CKAP5: variants seen among roughly 807,000 people sequenced by gnomAD.
CKAP5 encodes cytoskeleton associated protein 5, also known as cytoskeleton-associated protein 5.
In CKAP5, 27 loss-of-function variants were observed where a neutral mutation model predicts 232.8. The ratio of observed to expected loss-of-function variants is 0.12; its 90% confidence interval spans 0.09 to 0.16. CKAP5 has a LOEUF of 0.16. Among genes scored for constraint, CKAP5 ranks in the 10% least tolerant of loss-of-function variants. CKAP5 has a pLI of 1.00. For missense variants in CKAP5, 1,838 were observed against 2,424.7 expected (o/e 0.76, Z 5.08); for synonymous variants, 785 against 841.1 (o/e 0.93, Z 1.16).
intron 16 of CKAP5, among the ~76,000 whole-genome samples, chr11:46,788,295 C>G (rs1412198952): frequency 6.6e-6 from 1 of 152,272 alleles, no homozygotes; most frequent in African/African-American, 2.4e-5. Context: ...CATTACCAAG[C>G]TGGGCGCGGT....
intron 1 of CKAP5, among the ~76,000 whole-genome samples, chr11:46,822,669 T>A (rs1361098832): frequency 7.2e-6 from 1 of 139,678 alleles, no homozygotes; most frequent in Non-Finnish European, 1.5e-5. Flanking sequence ...GAGAATGGCG[T>A]GAACCCGAGA....
intron 8 of CKAP5, 145 bp downstream of exon 8, chr11:46,807,886 C>T: frequency 1.9e-6 from 1 of 537,078 alleles, no homozygotes; most frequent in Admixed American, 3.3e-5. Flanking sequence ...TTAAAACAAC[C>T]CTTTAAAAAT....
At chr11:46,790,217 G>T in intron 14 of CKAP5, 31 bp from the exon 15 acceptor site, 2 of 1,462,244 alleles carry the variant, frequency 1.4e-6, no homozygotes, top group Non-Finnish European at 1.9e-6. Context: ...TTAGAATTAG[G>T]AATTGCTTAA....
At chr11:46,816,086 C>T (rs1939392621) in intron 4 of CKAP5, 112 bp downstream of exon 4, 2 of 816,924 alleles carry the variant, frequency 2.4e-6, no homozygotes, top group Admixed American at 2.2e-5. Context: ...CCCCCCCATC[C>T]CCCCAACACA....
rs2065329193 is a variant in CKAP5 at position 46,780,277 on chromosome 11, G to A, written c.2350C>T (p.Leu784=). The change falls in exon 20 of 44, where the codon CTG becomes TTG. Residue 784 remains leucine, a synonymous_variant. Transcript: ENST00000529230. ...ATTCGCAAAGAGGGACCAACATACA[G>A]ATACATCACGCCAAGCAGGGTTATG... is the stretch of plus-strand genomic sequence containing the variant. ...AAITLLGVMY[L]YVGPSLRMFF... is the part of the protein sequence containing the mutation. 2 of 1,614,042 alleles carry A rather than the reference G, an allele frequency of 1.2e-6. No homozygotes were observed. Among genetic ancestry groups the A allele is most frequent in the Non-Finnish European group, 1.7e-6 (2 of 1,179,974 alleles).
chr11:46,782,114 C>A (rs373036967), intron 18 of CKAP5, among the ~76,000 whole-genome samples: 1 of 152,108 alleles, frequency 6.6e-6, no homozygotes, highest in African/African-American at 2.4e-5. Flanking sequence ...CATGAGCCAC[C>A]GCGCCCGGCC....
At chr11:46,826,512 G>T (rs1462423269) in intron 1 of CKAP5, among the ~76,000 whole-genome samples, 1 of 152,170 alleles carries the variant, frequency 6.6e-6, no homozygotes, top group Middle Eastern at 3.2e-3. Context: ...CCCCAAGTAA[G>T]AACCAGGTGG....
chr11:46,763,608 G>A lies in CKAP5; in HGVS notation c.3560C>T (p.Thr1187Ile). 1 of 1,563,348 alleles carries A rather than the reference G, an allele frequency of 6.4e-7. No individual in the cohort carries two copies. Among genetic ancestry groups the A allele is most frequent in the Non-Finnish European group, 8.7e-7 (1 of 1,156,010 alleles). The change falls in exon 29 of 44, where the codon ACC becomes ATC. Residue 1187 changes from threonine (T) to isoleucine (I), a missense_variant. Physicochemically the swap from Thr to Ile is moderately conservative, Grantham distance 89. Coordinates refer to ENST00000529230, the MANE Select transcript of CKAP5 (RefSeq NM_001008938.4). ...TTGCTCAATGTATTCATCCCGTGGGGTAGTAAAATTCCACTTTAGCACCTG... is the reference window on the plus strand; with the variant it reads ...TTGCTCAATGTATTCATCCCGTGGGATAGTAAAATTCCACTTTAGCACCTG... ...GLKVLKWNFT[T>I]PRDEYIEQLK...
chr11:46,752,183 T>TACACAC (rs1356619559), intron 38 of CKAP5, among the ~76,000 whole-genome samples: 3 of 65,660 alleles, frequency 4.6e-5, no homozygotes, highest in African/African-American at 1.4e-4. Context: ...TATATATATA[T>TACACAC]ATATATATAT....
At chr11:46,836,779 T>C (rs1324509391) in intron 1 of CKAP5, among the ~76,000 whole-genome samples, 4 of 152,174 alleles carry the variant, frequency 2.6e-5, no homozygotes, top group African/African-American at 9.6e-5. Context: ...TAGGTATTTA[T>C]CCAACTGAAT....
intron 26 of CKAP5, among the ~76,000 whole-genome samples, chr11:46,768,918 T>G (rs1332795625): frequency 6.6e-6 from 1 of 151,848 alleles, no homozygotes; most frequent in Non-Finnish European, 1.5e-5. Context: ...AAATTTTATT[T>G]ATTTTTATTT....
rs185788048 is a variant in CKAP5, at chr11:46,830,169, C to T, written c.-37-8901G>A. 2.8e-3 allele frequency among the ~76,000 whole-genome samples: 422 copies of T among 151,990 alleles called. 2 individuals are homozygous for T. The highest frequency in any genetic ancestry group is 9.6e-3 in the African/African-American group (399 of 41,450). On this transcript the variant is annotated intron_variant, in intron 1 of 43. Transcript: ENST00000529230. ...AGATTAGAATAGAGTAGGCCGGGCA[C>T]GGTGGCTCACGCCTGCAATCCCAGA...
chr11:46,802,557 G>GACACAC (rs1254439046), intron 8 of CKAP5, among the ~76,000 whole-genome samples: 2,167 of 147,500 alleles, frequency 0.015, 58 homozygotes, highest in African/African-American at 0.051. Flanking sequence ...CAGACAGACA[G>GACACAC]ACACACACAC....
At position 46,743,744 on chromosome 11, in the gene CKAP5, GAA is replaced by G; in HGVS notation, c.*277_*278del. 3 of 374,380 alleles carry G rather than the reference GAA, an allele frequency of 8.0e-6. No homozygotes were observed. Among genetic ancestry groups the G allele is most frequent in the Non-Finnish European group, 1.5e-5 (3 of 205,342 alleles). 23.2% of individuals were successfully genotyped at this position (374,380 alleles called of 1,614,324 possible). ...TACAAATGAGCAATTAAAAAGAAAA[GAA>G]AAGGATCTGGGAACTAGACTGAGCA... On this transcript the variant is annotated 3_prime_UTR_variant, in exon 44 of 44. Transcript: ENST00000529230.
At chr11:46,799,125 G>A (rs1044949090) in intron 9 of CKAP5, among the ~76,000 whole-genome samples, 1 of 152,050 alleles carries the variant, frequency 6.6e-6, no homozygotes, top group Non-Finnish European at 1.5e-5. Flanking sequence ...TCAGCCTCCC[G>A]AGTAGGTAGG....
In CKAP5 at chr11:46,769,976, G is replaced by A; in HGVS notation, c.3309C>T (p.Phe1103=). The stretch of plus-strand genomic sequence containing the variant: ...AGATAGAGTTACCTGATGCAGGCTG[G>A]AATTTGGCTGGAGCGGACCCTCCCA... ...KPMGGSAPAK[F]QPASAPAEDC... is the part of the protein sequence containing the mutation. The change falls in exon 26 of 44, where the codon TTC becomes TTT. Residue 1103 remains phenylalanine, a synonymous_variant. Transcript: ENST00000529230. 6.2e-7 allele frequency: 1 copy of A among 1,614,146 alleles called. No homozygotes were observed. The highest frequency in any genetic ancestry group is 8.5e-7 in the Non-Finnish European group (1 of 1,180,008).
intron 2 of CKAP5, among the ~76,000 whole-genome samples, chr11:46,819,883 T>A (rs915616497): frequency 6.6e-6 from 1 of 152,150 alleles, no homozygotes; most frequent in Non-Finnish European, 1.5e-5. Flanking sequence ...AGATTTATTT[T>A]TTTATTTTTT....
At chr11:46,832,994 T>A (rs1939827557) in intron 1 of CKAP5, among the ~76,000 whole-genome samples, 1 of 152,046 alleles carries the variant, frequency 6.6e-6, no homozygotes, top group Non-Finnish European at 1.5e-5. Flanking sequence ...AATATTCACA[T>A]TATTCTCCTG....
rs372335755 is a variant in CKAP5, at chr11:46,780,363, C to T, written c.2308-44G>A. 2.1e-5 allele frequency: 34 copies of T among 1,613,460 alleles called. No homozygotes were observed. The African/African-American group carries it at 4.3e-4, about 20-fold the overall frequency. On this transcript the variant is annotated intron_variant, in intron 19 of 43. Coordinates refer to ENST00000529230, the MANE Select transcript of CKAP5 (RefSeq NM_001008938.4). ...ATAACTTTTTAAATCACAAAGATGG[C>T]AATAATAACTTTTTAAATCCACAAA...
Sources: gnomAD v4.1 joint callset for allele counts (sites outside exome capture counted in the v4.1 genomes callset) on GRCh38, gnomAD v4.1.1 for gene constraint, MANE v1.5 for transcripts, NCBI Gene and HGNC (gene_info 2026-07-23, HGNC 2026-07-21) for gene names.